Variants in CNBD2 observed in about 807,000 individuals in gnomAD.
CNBD2 encodes cyclic nucleotide-binding domain-containing protein 2.
In CNBD2, 64 loss-of-function variants were observed where a neutral mutation model predicts 63.7. The ratio of observed to expected loss-of-function variants is 1.00; its 90% CI spans 0.82 to 1.24. The LOEUF (loss-of-function observed/expected upper bound fraction) is 1.24, where lower values mean the gene tolerates loss of function less well. Among genes scored for constraint, CNBD2 ranks in the 50% most tolerant of loss-of-function variants. The probability of loss-of-function intolerance (pLI) is 0.00; values close to 1 mark genes in which losing one functional copy is unlikely to be tolerated. For missense variants in CNBD2, 691 were observed against 713.5 expected (o/e 0.97, Z 0.36); for synonymous variants, 229 against 255.4 (o/e 0.90, Z 0.99).
At chr20:35,964,556 ATT>A (rs61569495), upstream of CNBD2, among the ~76,000 whole-genome samples, 1 of 141,746 alleles carries the variant, frequency 7.1e-6, no homozygotes. Flanking sequence ...ACGCCCGGCT[ATT>A]TTTTTTTTTT....
Position 36,011,140 on chromosome 20 carries a change from C to T in CNBD2, c.1152C>T (p.Ser384=). ...CTAACAAGCTGTCACATTTCAGATC[C>T]AGGCCTGCTCAGTCGATCAAATGTG... ...LPKMLGPKIQ[S]RPAQSIKCAM... is the part of the protein sequence containing the mutation. Residue 384 remains serine, a synonymous_variant, in exon 10 of 12, where the codon TCC becomes TCT. Coordinates refer to ENST00000373973, the MANE Select transcript of CNBD2 (RefSeq NM_001365709.1). 1 of 1,553,830 alleles carries T rather than the reference C, an allele frequency of 6.4e-7. No homozygotes were observed. Among genetic ancestry groups the T allele is most frequent in the Non-Finnish European group, 8.7e-7 (1 of 1,148,282 alleles).
intron 3 of CNBD2, among the ~76,000 whole-genome samples, chr20:35,979,373 A>T (rs2056565210): frequency 6.6e-6 from 1 of 152,246 alleles, no homozygotes; most frequent in African/African-American, 2.4e-5. Context: ...ACATTAATCC[A>T]TTCACTAAGG....
intron 8 of CNBD2, among the ~76,000 whole-genome samples, chr20:36,008,085 G>A (rs1243584666): frequency 6.6e-6 from 1 of 152,070 alleles, no homozygotes; most frequent in Non-Finnish European, 1.5e-5. Flanking sequence ...CCCTTCTCCA[G>A]ATGTAATAGA....
At chr20:35,968,384 C>A (rs978673492), upstream of CNBD2, among the ~76,000 whole-genome samples, 5 of 125,288 alleles carry the variant, frequency 4.0e-5, no homozygotes, top group African/African-American at 1.4e-4. Context: ...TCCTGTCTCA[C>A]CAGGACTCTG....
At chr20:35,961,816 T>A (rs1330485622) in intron 2 of CNBD2, among the ~76,000 whole-genome samples, 1 of 152,098 alleles carries the variant, frequency 6.6e-6, no homozygotes. Context: ...TTTAGCCCTC[T>A]CCTCTTCCGA....
chr20:35,954,428 C>G (rs759356596), upstream of CNBD2: 55 of 1,550,246 alleles, frequency 3.5e-5, no homozygotes, highest in Non-Finnish European at 4.6e-5. Flanking sequence ...CGGGACCGGC[C>G]GAGAGTGTGC....
At chr20:35,987,745 G>A (rs1192982555) in intron 7 of CNBD2, among the ~76,000 whole-genome samples, 1 of 152,178 alleles carries the variant, frequency 6.6e-6, no homozygotes, top group East Asian at 1.9e-4. Context: ...TTAGAAAGAG[G>A]ACCAAGGGAT....
intron 9 of CNBD2, 114 bp downstream of exon 9, chr20:36,008,588 G>A (rs751177093): frequency 2.0e-4 from 218 of 1,066,614 alleles, no homozygotes; most frequent in Middle Eastern, 3.0e-4. Context: ...GAGGACACAG[G>A]TCAATCCCAA....
At chr20:35,985,634 C>T (rs1003057460) in intron 6 of CNBD2, among the ~76,000 whole-genome samples, 3 of 151,954 alleles carry the variant, frequency 2.0e-5, no homozygotes. Flanking sequence ...TACAGTCATA[C>T]ACCATCACTC....
upstream of CNBD2, among the ~76,000 whole-genome samples, chr20:35,967,239 C>CTTTTTT (rs141881380): frequency 1.6e-4 from 14 of 87,010 alleles, 1 homozygote; most frequent in African/African-American, 5.6e-4. Context: ...CCCCCTCCCG[C>CTTTTTT]TTTTTTTTTT....
chr20:35,960,633 G>A (rs1242357324), intron 2 of CNBD2, among the ~76,000 whole-genome samples: 1 of 152,110 alleles, frequency 6.6e-6, no homozygotes, highest in Non-Finnish European at 1.5e-5. Context: ...GATTACAGGC[G>A]TGAGCCACCG....
At chr20:36,024,950 T>C (rs1177436426) in intron 11 of CNBD2, among the ~76,000 whole-genome samples, 2 of 151,888 alleles carry the variant, frequency 1.3e-5, no homozygotes, top group Non-Finnish European at 2.9e-5. Context: ...AAAATAATAA[T>C]AATAAAAAAT....
chr20:35,994,897 G>C (rs1161077563), intron 7 of CNBD2, 141 bp from the exon 8 acceptor site: 3 of 580,604 alleles, frequency 5.2e-6, no homozygotes, highest in Non-Finnish European at 6.2e-6. Flanking sequence ...TCAAAAAAAA[G>C]AAAAAAGAAC....
chr20:35,980,509 G>T lies in CNBD2; in HGVS notation c.294G>T (p.Trp98Cys), dbSNP rs375425651. 1.5e-4 allele frequency: 241 copies of T among 1,614,088 alleles called. 1 individual carries two copies. The highest frequency in any genetic ancestry group is 1.9e-4 in the Non-Finnish European group (219 of 1,180,046). Residue 98 changes from tryptophan (W) to cysteine (C), a missense_variant, in exon 4 of 12, where the codon TGG becomes TGT. Coordinates refer to ENST00000373973, the MANE Select transcript of CNBD2 (RefSeq NM_001365709.1). The stretch of plus-strand genomic sequence containing the variant: ...AGATCATGCAGAAGAAGCCTTCCTG[G>T]AGAACAGAGGATGAGATCCAGGCCG... The part of the protein sequence containing the change: ...AIQIMQKKPS[W>C]RTEDEIQAVC...
rs541751281 is a variant in CNBD2, at chr20:36,001,343, C to T, written c.970+6191C>T. ...GCAGAGGCGCCCCTCACCTCCTGGG[C>T]GGGGCGGCTGGCAGGGTGGGGGGCT... On this transcript the variant is annotated intron_variant, in intron 8 of 11. Transcript: ENST00000373973. Among the ~76,000 whole-genome samples the T allele has an allele frequency of 3.3e-4, 46 of 140,548 alleles. 1 individual carries two copies. Among genetic ancestry groups the T allele is most frequent in the Middle Eastern group, 7.5e-3 (2 of 268 alleles). 92.2% of individuals were successfully genotyped at this position (140,548 alleles called of 152,430 possible).
chr20:36,020,816 A>C (rs1463280508), intron 10 of CNBD2, among the ~76,000 whole-genome samples: 1 of 152,148 alleles, frequency 6.6e-6, no homozygotes, highest in Non-Finnish European at 1.5e-5. Flanking sequence ...GAGGTGCTTC[A>C]TGTCCCCCAG....
At position 35,980,588 on chromosome 20, in the gene CNBD2, C is replaced by CGT; in HGVS notation, c.373_374insGT (p.Gln125ArgfsTer19). The CGT allele has an allele frequency of 6.2e-7, 1 of 1,613,876 alleles. No individual in the cohort carries two copies. The highest frequency in any genetic ancestry group is 1.3e-5 in the African/African-American group (1 of 75,054). On this transcript the variant is annotated frameshift_variant, in exon 4 of 12. Coordinates refer to ENST00000373973, the MANE Select transcript of CNBD2 (RefSeq NM_001365709.1). LOFTEE classifies it high-confidence loss of function. ...CTATCGGAACTACGCAGAGCCCCTGCAGCTGCTCCTGGCCAAAGTCATGCG... is the reference window on the plus strand; with the variant it reads ...CTATCGGAACTACGCAGAGCCCCTGCGTAGCTGCTCCTGGCCAAAGTCATGCG...
At chr20:36,013,920 G>A (rs1320981031) in intron 10 of CNBD2, among the ~76,000 whole-genome samples, 1 of 152,034 alleles carries the variant, frequency 6.6e-6, no homozygotes, top group Non-Finnish European at 1.5e-5. Context: ...GGTGGCTCAC[G>A]CCTGTAATCC....
intron 11 of CNBD2, among the ~76,000 whole-genome samples, chr20:36,024,944 T>A (rs1488621911): frequency 6.6e-6 from 1 of 151,990 alleles, no homozygotes; most frequent in African/African-American, 2.4e-5. Context: ...CAAACAAAAA[T>A]AATAATAATA....
Sources: gnomAD v4.1 joint callset for allele counts (sites outside exome capture counted in the v4.1 genomes callset) on GRCh38, gnomAD v4.1.1 for gene constraint, MANE v1.5 for transcripts, NCBI Gene and HGNC (gene_info 2026-07-23, HGNC 2026-07-21) for gene names.